Variants in CYB5A observed in about 807,000 individuals in gnomAD.
CYB5A encodes the protein cytochrome b5 type A.
CYB5A carries 10 observed loss-of-function variants against 16.2 expected under a neutral mutation model. The ratio of observed to expected loss-of-function variants is 0.62; its 90% CI spans 0.38 to 1.04. The LOEUF is 1.04. CYB5A is among the 50% of genes least tolerant of loss of function. The pLI is 0.01. For synonymous variants in CYB5A, 62 were observed against 57.0 expected (o/e 1.09, Z -0.40); for missense variants, 161 against 165.9 (o/e 0.97, Z 0.16).
chr18:74,278,188 G>T (rs1346857559), intron 1 of CYB5A, among the ~76,000 whole-genome samples: 1 of 152,164 alleles, frequency 6.6e-6, no homozygotes, highest in Non-Finnish European at 1.5e-5. Flanking sequence ...AGGCCCTGGG[G>T]AATGAACGCA....
At chr18:74,288,614 C>T (rs1232206423) in intron 1 of CYB5A, among the ~76,000 whole-genome samples, 1 of 152,160 alleles carries the variant, frequency 6.6e-6, no homozygotes, top group Non-Finnish European at 1.5e-5. Flanking sequence ...AAGTACGTTT[C>T]AGACAAACAG....
At chr18:74,263,504 AT>A (rs761167618) in intron 1 of CYB5A, 27 bp from the exon 2 acceptor site, 39 of 1,582,472 alleles carry the variant, frequency 2.5e-5, no homozygotes, top group Admixed American at 2.0e-4. Context: ...TAGAATAAAA[AT>A]TTTTTTTTCA....
intron 1 of CYB5A, among the ~76,000 whole-genome samples, chr18:74,267,732 AG>A (rs1982498551): frequency 6.6e-6 from 1 of 152,210 alleles, no homozygotes; most frequent in Non-Finnish European, 1.5e-5. Flanking sequence ...GTAAGATTAG[AG>A]GTAACAAAAG....
intron 3 of CYB5A, chr18:74,257,259 G>T: frequency 3.9e-6 from 1 of 258,248 alleles, no homozygotes; most frequent in Non-Finnish European, 7.5e-6. Flanking sequence ...GGTTACCATG[G>T]GAGAGCGCTA....
intron 4 of CYB5A, 99 bp from the exon 5 acceptor site, chr18:74,253,764 T>C (rs1981858656): frequency 2.4e-6 from 2 of 830,022 alleles, no homozygotes; most frequent in East Asian, 5.3e-5. Flanking sequence ...GGCATGTTTT[T>C]CTTAACTCTG....
intron 2 of CYB5A, among the ~76,000 whole-genome samples, chr18:74,262,193 C>G (rs1191081732): frequency 1.3e-5 from 2 of 152,170 alleles, no homozygotes; most frequent in African/African-American, 4.8e-5. Flanking sequence ...GTGACTCACA[C>G]CTGTAATCCT....
At chr18:74,273,637 C>G (rs1982756684) in intron 1 of CYB5A, among the ~76,000 whole-genome samples, 1 of 152,212 alleles carries the variant, frequency 6.6e-6, no homozygotes, top group African/African-American at 2.4e-5. Context: ...CTGGCCCTGC[C>G]TCTTTCTAAA....
rs76804665 is a variant in CYB5A, at chr18:74,251,176, A to C, written c.*2408T>G. 1 of 127,188 alleles carries C rather than the reference A, an allele frequency of 7.9e-6. No individual in the cohort carries two copies. Among genetic ancestry groups the C allele is most frequent in the African/African-American group, 3.6e-5 (1 of 27,834 alleles). The allele number at this position is 127,188 out of a possible 1,614,324, so 7.9% of individuals were successfully genotyped here. On this transcript the variant is annotated 3_prime_UTR_variant, in exon 5 of 5. Transcript: ENST00000340533. The stretch of plus-strand genomic sequence containing the variant: ...CAGAGTGAGACTCTGTCTCAAAAAC[A>C]AAAAAAAAAAAAAAAGAAAGTTTAC...
chr18:74,276,868 TCATA>T (rs1206388423), intron 1 of CYB5A, among the ~76,000 whole-genome samples: 1 of 152,154 alleles, frequency 6.6e-6, no homozygotes, highest in African/African-American at 2.4e-5. Flanking sequence ...CAGGATTAAG[TCATA>T]TAATTAATTA....
At chr18:74,278,804 G>C (rs1982978631) in intron 1 of CYB5A, among the ~76,000 whole-genome samples, 1 of 152,192 alleles carries the variant, frequency 6.6e-6, no homozygotes, top group South Asian at 2.1e-4. Flanking sequence ...ATTACTTTTA[G>C]AACTGAATTA....
chr18:74,263,403 G>C lies in CYB5A; in HGVS notation c.204C>G (p.His68Gln), dbSNP rs753834598. Residue 68 changes from histidine to glutamine, a missense_variant, in exon 2 of 5, where the codon CAC (histidine) becomes CAG (glutamine). Coordinates refer to ENST00000340533, the MANE Select transcript of CYB5A (RefSeq NM_148923.4). ...TGGACATTTCCCTGGCATCTGTAGA[G>C]TGCCCGACATCCTCAAAGTTCTCAG... ...DATENFEDVG[H>Q]STDAREMSKT... is the part of the protein sequence containing the mutation. 6.2e-7 allele frequency: 1 copy of C among 1,614,112 alleles called. No individual in the cohort carries two copies. Among genetic ancestry groups the C allele is most frequent in the Non-Finnish European group, 8.5e-7 (1 of 1,179,992 alleles).
At chr18:74,283,385 C>T (rs1343456682) in intron 1 of CYB5A, among the ~76,000 whole-genome samples, 2 of 152,184 alleles carry the variant, frequency 1.3e-5, no homozygotes, top group African/African-American at 4.8e-5. Flanking sequence ...GATTCAGCCC[C>T]TGCCAGGTGA....
intron 1 of CYB5A, among the ~76,000 whole-genome samples, chr18:74,282,703 C>T (rs979431693): frequency 6.6e-6 from 1 of 152,120 alleles, no homozygotes; most frequent in Non-Finnish European, 1.5e-5. Flanking sequence ...ACAAGTTTGG[C>T]TTGTTTGAGA....
chr18:74,263,629 A>C, intron 1 of CYB5A, 152 bp from the exon 2 acceptor site: 1 of 723,804 alleles, frequency 1.4e-6, no homozygotes, highest in South Asian at 1.6e-5. Flanking sequence ...GATTAAAACA[A>C]CACAGGCCTT....
chr18:74,271,828 C>A (rs1403169685), intron 1 of CYB5A, among the ~76,000 whole-genome samples: 1 of 152,214 alleles, frequency 6.6e-6, no homozygotes, highest in Non-Finnish European at 1.5e-5. Flanking sequence ...CTACTGTCAA[C>A]TGACTCATGC....
chr18:74,274,357 A>G (rs1982785704), intron 1 of CYB5A, among the ~76,000 whole-genome samples: 1 of 152,246 alleles, frequency 6.6e-6, no homozygotes, highest in Non-Finnish European at 1.5e-5. Flanking sequence ...GATTTTTAAA[A>G]CTGCAAGAAA....
chr18:74,263,535 A>C, intron 1 of CYB5A, 58 bp from the exon 2 acceptor site: 1 of 1,495,066 alleles, frequency 6.7e-7, no homozygotes, highest in Non-Finnish European at 9.3e-7. Context: ...ATTAAGAGAA[A>C]ACGGCCAGAA....
At chr18:74,265,179 C>T (rs1982384863) in intron 1 of CYB5A, among the ~76,000 whole-genome samples, 1 of 152,134 alleles carries the variant, frequency 6.6e-6, no homozygotes, top group Non-Finnish European at 1.5e-5. Context: ...CCTACTTGGT[C>T]TAAACATACC....
At chr18:74,280,526 C>T (rs1239027777) in intron 1 of CYB5A, among the ~76,000 whole-genome samples, 4 of 149,862 alleles carry the variant, frequency 2.7e-5, no homozygotes, top group Admixed American at 2.0e-4. Flanking sequence ...TGCAGTGAAC[C>T]GTGATCATGC....
Sources: allele counts gnomAD v4.1 joint callset (sites outside exome capture counted in the v4.1 genomes callset), GRCh38; gene constraint gnomAD v4.1.1; transcripts MANE v1.5; gene names NCBI Gene and HGNC (gene_info 2026-07-23, HGNC 2026-07-21).